The following HIP1 variants were observed in gnomAD, a reference collection of about 807,000 sequenced individuals.
HIP1 encodes the protein huntingtin-interacting protein 1.
Under a neutral mutation model 147.6 loss-of-function variants are expected in HIP1, and 65 were observed. That is an observed-to-expected ratio of 0.44 (90% CI 0.36 to 0.54). The LOEUF is 0.54. HIP1 is among the 20% of genes least tolerant of loss of function. HIP1 has a pLI of 0.00. For missense variants in HIP1, 1,061 were observed against 1,299.6 expected, an observed-to-expected ratio of 0.82 and a Z score of 2.82; for synonymous variants, 479 against 504.0, an observed-to-expected ratio of 0.95 and a Z score of 0.67.
chr7:75,592,955 G>A (rs1474944041), intron 2 of HIP1, among the ~76,000 whole-genome samples: 5 of 152,080 alleles, frequency 3.3e-5, no homozygotes, highest in Non-Finnish European at 5.9e-5. Flanking sequence ...TGTGTCCTTC[G>A]GGAATAACTA....
rs973733271 is a variant in HIP1 at position 75,568,948 on chromosome 7, G to T, written c.746-692C>A. 2.0e-5 allele frequency among the ~76,000 whole-genome samples: 3 copies of T among 152,228 alleles called. No individual in the cohort carries two copies. Among genetic ancestry groups the T allele is most frequent in the Non-Finnish European group, 4.4e-5 (3 of 68,038 alleles). On this transcript the variant is annotated intron_variant, in intron 8 of 30. Transcript: ENST00000336926. This position sits in a 1 kb window ranked among gnomAD's most constrained non-coding sequence, Gnocchi z 4.1. ...TGCTTGAACCCAGCAGGCGGAAGTT[G>T]CAGTGAGCTGAGATTGCACCACTGC...
chr7:75,559,929 C>T lies in HIP1; in HGVS notation c.1192-14G>A, dbSNP rs1554494263. The stretch of plus-strand genomic sequence containing the variant: ...AACCCGCTGGCTCTGTGGGGGGACT[C>T]CGGTCATGAGGCCAACCGCCCACTG... On this transcript the variant is annotated splice_polypyrimidine_tract_variant and intron_variant, in intron 13 of 30. Transcript: ENST00000336926. 3.2e-6 allele frequency: 5 copies of T among 1,582,396 alleles called. No individual in the cohort carries two copies. Among genetic ancestry groups the T allele is most frequent in the Non-Finnish European group, 3.4e-6 (4 of 1,167,054 alleles).
At chr7:75,575,441 C>T (rs1554497543) in intron 7 of HIP1, among the ~76,000 whole-genome samples, 1 of 152,142 alleles carries the variant, frequency 6.6e-6, no homozygotes, top group African/African-American at 2.4e-5. Flanking sequence ...GCCTGGGTGA[C>T]AGAGTGAGAC....
chr7:75,581,215 A>T, intron 7 of HIP1, 22 bp downstream of exon 7: 1 of 1,586,454 alleles, frequency 6.3e-7, no homozygotes, highest in Non-Finnish European at 8.6e-7. Flanking sequence ...AGCCTGGGTT[A>T]GACGGGAGGG....
chr7:75,582,898 G>T (rs978613659), intron 5 of HIP1, among the ~76,000 whole-genome samples: 1 of 152,076 alleles, frequency 6.6e-6, no homozygotes, highest in Non-Finnish European at 1.5e-5. Context: ...CCTGGCACCT[G>T]GGACACAGTT....
At chr7:75,724,492 C>T (rs1801594870) in intron 1 of HIP1, among the ~76,000 whole-genome samples, 2 of 150,526 alleles carry the variant, frequency 1.3e-5, no homozygotes, top group Non-Finnish European at 1.5e-5. Context: ...AGGTGATCTG[C>T]CCGCCTTGCC....
intron 1 of HIP1, among the ~76,000 whole-genome samples, chr7:75,644,207 C>G (rs1199353343): frequency 6.6e-6 from 1 of 152,086 alleles, no homozygotes; most frequent in African/African-American, 2.4e-5. Flanking sequence ...ATTAAAGCAC[C>G]CAGCACAGTG....
chr7:75,728,944 G>A (rs1801739463), intron 1 of HIP1, among the ~76,000 whole-genome samples: 1 of 150,110 alleles, frequency 6.7e-6, no homozygotes, highest in Non-Finnish European at 1.5e-5. Context: ...TATGGTGGGG[G>A]GAAGTGGGGT....
chr7:75,674,814 C>T (rs1222683803), intron 1 of HIP1, among the ~76,000 whole-genome samples: 2 of 151,548 alleles, frequency 1.3e-5, no homozygotes, highest in Middle Eastern at 3.4e-3. Context: ...TAATGAGAAG[C>T]CAGCTGTTAA....
At chr7:75,661,324 G>C (rs1196903556) in intron 1 of HIP1, among the ~76,000 whole-genome samples, 1 of 150,382 alleles carries the variant, frequency 6.6e-6, no homozygotes, top group East Asian at 2.0e-4. Context: ...TGTAATCCCA[G>C]TACTTCGGGA....
chr7:75,579,535 G>T (rs963107534), intron 7 of HIP1, among the ~76,000 whole-genome samples: 2 of 151,802 alleles, frequency 1.3e-5, no homozygotes, highest in Non-Finnish European at 2.9e-5. Context: ...CAGGTGATCC[G>T]CCCCCCTTGG....
intron 1 of HIP1, among the ~76,000 whole-genome samples, chr7:75,602,198 G>C (rs1211153734): frequency 6.7e-6 from 1 of 149,558 alleles, no homozygotes; most frequent in African/African-American, 2.5e-5. Context: ...ACAGGGTTTC[G>C]CTATGTTGAC....
Position 75,533,727 on chromosome 7 carries a change from T to C in HIP1, c.*4445A>G. 1 of 232,678 alleles carries C rather than the reference T, an allele frequency of 4.3e-6. No homozygotes were observed. Among genetic ancestry groups the C allele is most frequent in the East Asian group, 6.1e-5 (1 of 16,486 alleles). 14.4% of individuals were successfully genotyped at this position (232,678 alleles called of 1,614,324 possible). ...CTCTCAGAATCGAACCCAACAGCAT[T>C]GAATTGTTTCCTGTTGCTTTGGCTC... On this transcript the variant is annotated 3_prime_UTR_variant, in exon 31 of 31. Coordinates refer to ENST00000336926, the MANE Select transcript of HIP1 (RefSeq NM_005338.7).
chr7:75,562,852 C>T (rs1258635727), intron 11 of HIP1, 83 bp downstream of exon 11: 1 of 1,437,878 alleles, frequency 7.0e-7, no homozygotes, highest in African/African-American at 1.4e-5. Flanking sequence ...AGTCAATGGG[C>T]TTTGGCCAGG....
chr7:75,691,398 G>A lies in HIP1; in HGVS notation c.120+47403C>T, dbSNP rs189559197. Among the ~76,000 whole-genome samples, 548 of 152,186 alleles carry A rather than the reference G, an allele frequency of 3.6e-3. 3 individuals are homozygous for A. The highest frequency in any genetic ancestry group is 0.012 in the African/African-American group (518 of 41,544). On this transcript the variant is annotated intron_variant, in intron 1 of 30. Transcript: ENST00000336926. ...CCCAGCTACTTGGGAGGCTGAGGCAGGAGAATCGCTTGAACCTGGGAAGCA... is the reference window on the plus strand; with the variant it reads ...CCCAGCTACTTGGGAGGCTGAGGCAAGAGAATCGCTTGAACCTGGGAAGCA...
intron 1 of HIP1, among the ~76,000 whole-genome samples, chr7:75,615,352 C>T (rs1374883948): frequency 6.6e-6 from 1 of 151,490 alleles, no homozygotes; most frequent in African/African-American, 2.4e-5. Context: ...GCCTGGAGTT[C>T]AAGACCAGCC....
In HIP1 at chr7:75,573,752, G is replaced by C. The variant is rs374291011; in HGVS notation, c.745+9C>G. 3.1e-6 allele frequency: 5 copies of C among 1,612,278 alleles called. No individual in the cohort carries two copies. Among genetic ancestry groups the C allele is most frequent in the African/African-American group, 1.3e-5 (1 of 75,040 alleles). On this transcript the variant is annotated intron_variant, in intron 8 of 30. Coordinates refer to ENST00000336926, the MANE Select transcript of HIP1 (RefSeq NM_005338.7). ...TCTCATGTAAGAAGATCTGGCCCGC[G>C]GTACTCACAGGAGTGGAGTTTGAAG...
At chr7:75,691,096 T>C (rs1480744044) in intron 1 of HIP1, among the ~76,000 whole-genome samples, 1 of 152,168 alleles carries the variant, frequency 6.6e-6, no homozygotes, top group African/African-American at 2.4e-5. Flanking sequence ...GGGAATGGAG[T>C]TCTGATACAT....
intron 1 of HIP1, among the ~76,000 whole-genome samples, chr7:75,622,474 G>A (rs1468339052): frequency 1.3e-5 from 2 of 151,962 alleles, no homozygotes; most frequent in African/African-American, 4.8e-5. Context: ...TCCAAGGAAG[G>A]AGGATTGCTT....
Sources: gnomAD v4.1 joint callset for allele counts (sites outside exome capture counted in the v4.1 genomes callset) on GRCh38, gnomAD v4.1.1 for gene constraint, Gnocchi (gnomAD v3.1) non-coding constraint, MANE v1.5 for transcripts, NCBI Gene and HGNC (gene_info 2026-07-23, HGNC 2026-07-21) for gene names.